Variants in FMN1 observed in about 807,000 individuals in gnomAD.
FMN1 encodes formin-1.
Under a neutral mutation model 132.4 loss-of-function variants are expected in FMN1, and 110 were observed. That is an observed-to-expected ratio of 0.83 (90% CI 0.71 to 0.97). The LOEUF (loss-of-function observed/expected upper bound fraction) is 0.97. FMN1 is among the 50% of genes least tolerant of loss of function. The probability of loss-of-function intolerance (pLI) is 0.00; values close to 1 mark genes in which losing one functional copy is unlikely to be tolerated. For missense variants in FMN1, 1,792 were observed against 1,705.3 expected, an observed-to-expected ratio of 1.05 and a Z score of -0.90; for synonymous variants, 722 against 651.7, an observed-to-expected ratio of 1.11 and a Z score of -1.64.
chr15:32,956,099 G>C (rs1167448375), intron 9 of FMN1, among the ~76,000 whole-genome samples: 1 of 152,170 alleles, frequency 6.6e-6, no homozygotes, highest in African/African-American at 2.4e-5. Flanking sequence ...GCTGGGGGCA[G>C]TTACTCTCTT....
chr15:33,020,287 G>A (rs1386208094), intron 6 of FMN1, among the ~76,000 whole-genome samples: 3 of 152,164 alleles, frequency 2.0e-5, no homozygotes, highest in Admixed American at 6.5e-5. Context: ...CCAGCTGCTA[G>A]TGTCCACTAC....
chr15:32,772,618 T>C lies in FMN1; in HGVS notation c.*1692A>G, dbSNP rs977617960. On this transcript the variant is annotated 3_prime_UTR_variant, in exon 21 of 21. Coordinates refer to ENST00000616417, the MANE Select transcript of FMN1 (RefSeq NM_001277313.2). Reference sequence around the variant, plus strand: ...TTTTCTGTTTTGCTTGTCTCGTTCCTTCATTGTGAATTTTAAAAATCCAAC... The same window carrying C: ...TTTTCTGTTTTGCTTGTCTCGTTCCCTCATTGTGAATTTTAAAAATCCAAC... 1.3e-5 allele frequency: 2 copies of C among 152,238 alleles called. No individual in the cohort carries two copies. Among genetic ancestry groups the C allele is most frequent in the African/African-American group, 4.8e-5 (2 of 41,464 alleles). The allele number at this position is 152,238 out of a possible 1,614,324, so 9.4% of individuals were successfully genotyped here.
At position 33,154,204 on chromosome 15, in the gene FMN1, G is replaced by C. The variant is rs544500695; in HGVS notation, c.711C>G (p.Pro237=). 6 of 1,536,166 alleles carry C rather than the reference G, an allele frequency of 3.9e-6. No homozygotes were observed. The African/African-American group carries it at 8.2e-5, about 21-fold the overall frequency. The change falls in exon 4 of 21, where the codon CCC becomes CCG. Residue 237 remains proline (P), a synonymous_variant. Coordinates refer to ENST00000616417, the MANE Select transcript of FMN1 (RefSeq NM_001277313.2). The stretch of plus-strand genomic sequence containing the variant: ...TGTCTGGCGTCTTGGGAATATCTGG[G>C]GGGCAGCTCTCTCTCCTCTGCAGGG... ...ACSLQRRESC[P]PDIPKTPDTD...
rs73372959 is a variant in FMN1 at position 32,966,158 on chromosome 15, T to C, written c.2988-1901A>G. ...GCCAACTGCTCAGCCCCATCCCCAC[T>C]TCCTGCACCTGCTTGGCTCTAGCCC... On this transcript the variant is annotated intron_variant, in intron 8 of 20. Coordinates refer to ENST00000616417, the MANE Select transcript of FMN1 (RefSeq NM_001277313.2). Among the ~76,000 whole-genome samples the C allele has an allele frequency of 4.4e-3, 676 of 152,186 alleles. 5 individuals carry two copies. Among genetic ancestry groups the C allele is most frequent in the African/African-American group, 0.016 (657 of 41,514 alleles).
intron 4 of FMN1, among the ~76,000 whole-genome samples, chr15:33,112,904 G>GT (rs1469934861): frequency 6.6e-6 from 1 of 152,192 alleles, no homozygotes; most frequent in Non-Finnish European, 1.5e-5. Flanking sequence ...AAGCCTCCAG[G>GT]TTACAGCTGC....
Position 32,898,880 on chromosome 15 carries a change from T to G in FMN1, c.3668A>C (p.Asn1223Thr). ...ATACTTAACAACGTAGTCCACCAGA[T>G]TAATCCCATTATCCTAGGTTTAAAA... ...KDVKSRDNGI[N>T]LVDYVVKYYL... is the part of the protein sequence containing the mutation. Residue 1223 changes from asparagine (N) to threonine (T), a missense_variant, in exon 15 of 21, where the codon AAT becomes ACT. Transcript: ENST00000616417. The G allele has an allele frequency of 1.3e-6, 2 of 1,593,118 alleles. No individual in the cohort carries two copies. Among genetic ancestry groups the G allele is most frequent in the South Asian group, 2.2e-5 (2 of 89,660 alleles).
intron 4 of FMN1, among the ~76,000 whole-genome samples, chr15:33,117,120 G>A (rs2444953): frequency 0.3 from 45,651 of 151,916 alleles, 7,402 homozygotes; most frequent in East Asian, 0.64. Flanking sequence ...TACATAGTGA[G>A]AGCTTAAGAA....
chr15:33,150,220 A>G, intron 4 of FMN1: 1 of 985,450 alleles, frequency 1.0e-6, no homozygotes, highest in Non-Finnish European at 1.2e-6. Flanking sequence ...AGCAAAACAG[A>G]AAGGAATCCT....
chr15:33,096,872 G>A (rs979157663), intron 4 of FMN1, among the ~76,000 whole-genome samples: 1 of 152,140 alleles, frequency 6.6e-6, no homozygotes, highest in African/African-American at 2.4e-5. Context: ...AAAGTGCTGG[G>A]ATTACAGGCA....
At chr15:32,906,615 A>G (rs905150970) in intron 12 of FMN1, among the ~76,000 whole-genome samples, 4 of 152,224 alleles carry the variant, frequency 2.6e-5, no homozygotes, top group Admixed American at 2.6e-4. Flanking sequence ...AAGTGCTTTG[A>G]TATGCCCACT....
At chr15:32,821,449 C>CTTTTTTTT (rs34336647) in intron 17 of FMN1, among the ~76,000 whole-genome samples, 5 of 110,822 alleles carry the variant, frequency 4.5e-5, no homozygotes, top group South Asian at 3.1e-4. Flanking sequence ...ATATTTAAAT[C>CTTTTTTTT]TTTTTTTTTT....
intron 3 of FMN1, among the ~76,000 whole-genome samples, chr15:33,171,652 A>T (rs929920390): frequency 3.9e-5 from 6 of 152,056 alleles, no homozygotes; most frequent in East Asian, 1.9e-4. Context: ...GTTTTTTTTT[A>T]AATCTTAATG....
At chr15:33,162,942 C>T (rs894348039) in intron 3 of FMN1, among the ~76,000 whole-genome samples, 1 of 152,078 alleles carries the variant, frequency 6.6e-6, no homozygotes, top group Non-Finnish European at 1.5e-5. Flanking sequence ...CATAGTGAAA[C>T]CCCATCCCTA....
Position 32,901,477 on chromosome 15 carries a change from G to A in FMN1, c.3507+434C>T, listed in dbSNP as rs554028640. Reference sequence around the variant, plus strand: ...AATATTTCTTTGCCAATGACTCACTGTCAGTCATTTATTTCACTTATCAAG... The same window carrying A: ...AATATTTCTTTGCCAATGACTCACTATCAGTCATTTATTTCACTTATCAAG... On this transcript the variant is annotated intron_variant, in intron 13 of 20. Transcript: ENST00000616417. Among the ~76,000 whole-genome samples, 10 of 152,292 alleles carry A rather than the reference G, an allele frequency of 6.6e-5. No individual in the cohort carries two copies. The South Asian group carries it at 1.7e-3, about 25-fold the overall frequency.
Position 32,773,463 on chromosome 15 carries a change from G to A in FMN1, c.*847C>T, listed in dbSNP as rs535812818. On this transcript the variant is annotated 3_prime_UTR_variant, in exon 21 of 21. Coordinates refer to ENST00000616417, the MANE Select transcript of FMN1 (RefSeq NM_001277313.2). ...ATGAACGGTCCAAAATGTAAAAGGT[G>A]CTCTGCCGCTGGGTCTCTTGTCCAA... The A allele has an allele frequency of 1.3e-5, 2 of 152,270 alleles. No homozygotes were observed. The highest frequency in any genetic ancestry group is 2.1e-4 in the South Asian group (1 of 4,812). 9.4% of individuals were successfully genotyped at this position (152,270 alleles called of 1,614,324 possible).
chr15:32,972,722 G>A (rs2031889666), intron 7 of FMN1, among the ~76,000 whole-genome samples: 1 of 151,998 alleles, frequency 6.6e-6, no homozygotes, highest in African/African-American at 2.4e-5. Flanking sequence ...AATCTTTCTA[G>A]ATGATCTCAT....
At chr15:32,827,608 T>C (rs1434289928) in intron 17 of FMN1, among the ~76,000 whole-genome samples, 2 of 152,066 alleles carry the variant, frequency 1.3e-5, no homozygotes, top group African/African-American at 4.8e-5. Context: ...CCCAGCACTC[T>C]GGGAGGCCGA....
intron 16 of FMN1, among the ~76,000 whole-genome samples, chr15:32,886,033 C>A (rs1015821033): frequency 1.3e-5 from 2 of 148,532 alleles, no homozygotes; most frequent in African/African-American, 2.5e-5. Context: ...CACACCAAGG[C>A]CTTATGGAAA....
chr15:32,955,095 T>C (rs888795073), intron 9 of FMN1, among the ~76,000 whole-genome samples: 4 of 152,222 alleles, frequency 2.6e-5, no homozygotes, highest in African/African-American at 9.6e-5. Context: ...AGTTTTCTCA[T>C]GTATAAAACA....
Sources: gnomAD v4.1 joint callset for allele counts (sites outside exome capture counted in the v4.1 genomes callset) on GRCh38, gnomAD v4.1.1 for gene constraint, MANE v1.5 for transcripts, NCBI Gene and HGNC (gene_info 2026-07-23, HGNC 2026-07-21) for gene names.